The following EFCAB6 variants were observed in gnomAD, a reference collection of about 807,000 sequenced individuals.
EFCAB6 encodes EF-hand calcium binding domain 6.
Under a neutral mutation model 169.8 loss-of-function variants are expected in EFCAB6, and 156 were observed. That is an observed-to-expected ratio of 0.92 (90% CI 0.81 to 1.05). The LOEUF (loss-of-function observed/expected upper bound fraction) is 1.05. EFCAB6 is among the 50% of genes least tolerant of loss of function. The pLI is 0.00. For missense variants in EFCAB6, 1,800 were observed against 1,829.1 expected, an observed-to-expected ratio of 0.98 and a Z score of 0.29; for synonymous variants, 698 against 676.4, an observed-to-expected ratio of 1.03 and a Z score of -0.50.
chr22:43,665,789 CTTCT>C (rs143491491), intron 17 of EFCAB6, among the ~76,000 whole-genome samples: 3,606 of 152,270 alleles, frequency 0.024, 123 homozygotes, highest in African/African-American at 0.08. Flanking sequence ...GCCTTATTCC[CTTCT>C]TTCTTTCTTT....
intron 2 of EFCAB6, among the ~76,000 whole-genome samples, chr22:43,783,184 G>A (rs1159506701): frequency 6.6e-6 from 1 of 152,188 alleles, no homozygotes; most frequent in African/African-American, 2.4e-5. Context: ...AGAGGCATTT[G>A]TTAGAAGAAA....
chr22:43,684,627 C>T (rs1313637341), intron 11 of EFCAB6, among the ~76,000 whole-genome samples: 1 of 152,176 alleles, frequency 6.6e-6, no homozygotes, highest in Non-Finnish European at 1.5e-5. Flanking sequence ...TTTGTTGCTG[C>T]GTCTATACAG....
Position 43,744,330 on chromosome 22 carries a change from C to G in EFCAB6, c.508-8337G>C, listed in dbSNP as rs981070122. On this transcript the variant is annotated intron_variant, in intron 6 of 31. Transcript: ENST00000262726. The surrounding 1 kb of genome is among the most constrained non-coding windows in gnomAD (Gnocchi z 4.3). ...AATCCTTGTAGAGACAGGACAGGAA[C>G]CTGCAAAAAGGGTAGACAAGCATCT... 6.6e-6 allele frequency among the ~76,000 whole-genome samples: 1 copy of G among 151,966 alleles called. No individual in the cohort carries two copies. Among genetic ancestry groups the G allele is most frequent in the African/African-American group, 2.4e-5 (1 of 41,372 alleles).
chr22:43,533,045 T>C (rs1426996528), intron 30 of EFCAB6, among the ~76,000 whole-genome samples: 1 of 152,252 alleles, frequency 6.6e-6, no homozygotes, highest in Non-Finnish European at 1.5e-5. Context: ...GCTGACGCCA[T>C]GATGGCACTG....
chr22:43,769,933 C>A (rs1460748817), intron 4 of EFCAB6, among the ~76,000 whole-genome samples: 1 of 151,928 alleles, frequency 6.6e-6, no homozygotes, highest in African/African-American at 2.4e-5. Flanking sequence ...CGGCTCACCA[C>A]AAACTCTGCC....
chr22:43,749,941 A>C (rs1301122144), intron 6 of EFCAB6, among the ~76,000 whole-genome samples: 1 of 152,178 alleles, frequency 6.6e-6, no homozygotes, highest in Non-Finnish European at 1.5e-5. Flanking sequence ...AGATGGGGAA[A>C]GTCTCGAAAG....
intron 21 of EFCAB6, among the ~76,000 whole-genome samples, chr22:43,609,805 T>C (rs2147641427): frequency 6.6e-6 from 1 of 152,270 alleles, no homozygotes; most frequent in South Asian, 2.1e-4. Flanking sequence ...TTAAGATGTA[T>C]CACTAAGTTA....
At chr22:43,726,312 T>C (rs547342739) in intron 8 of EFCAB6, among the ~76,000 whole-genome samples, 8 of 137,522 alleles carry the variant, frequency 5.8e-5, no homozygotes, top group African/African-American at 1.9e-4. Flanking sequence ...ACAGCATAAA[T>C]TGAAGCAAAA....
rs1226930691 is a variant in EFCAB6, at chr22:43,572,345, T to A, written c.3420+3952A>T. Among the ~76,000 whole-genome samples the A allele has an allele frequency of 6.6e-6, 1 of 152,148 alleles. No homozygotes were observed. The highest frequency in any genetic ancestry group is 1.5e-5 in the Non-Finnish European group (1 of 68,022). On this transcript the variant is annotated intron_variant, in intron 26 of 31. Coordinates refer to ENST00000262726, the MANE Select transcript of EFCAB6 (RefSeq NM_022785.4). This position sits in a 1 kb window ranked among gnomAD's most constrained non-coding sequence, Gnocchi z 4.0. ...AGGATCAGCAGAGGCTCCTTGTGAC[T>A]CGTGCATGAGGACACTCAGGCCTCG...
chr22:43,686,381 G>C (rs1414976347), intron 11 of EFCAB6, among the ~76,000 whole-genome samples: 1 of 151,864 alleles, frequency 6.6e-6, no homozygotes, highest in East Asian at 1.9e-4. Context: ...TTGGGGTTAT[G>C]ATCAGCTCCC....
At chr22:43,553,421 A>G (rs1237790374) in intron 27 of EFCAB6, 14 of 152,234 alleles carry the variant, frequency 9.2e-5, no homozygotes, top group Admixed American at 9.2e-4. Flanking sequence ...TTTCTGAGTG[A>G]AGGGAAATCT....
At chr22:43,657,730 G>T (rs988913893) in intron 17 of EFCAB6, among the ~76,000 whole-genome samples, 3 of 151,978 alleles carry the variant, frequency 2.0e-5, no homozygotes, top group South Asian at 2.1e-4. Flanking sequence ...TAAGTAGAAG[G>T]AAGAAAATAA....
intron 11 of EFCAB6, among the ~76,000 whole-genome samples, chr22:43,685,112 C>G (rs970299593): frequency 2.0e-5 from 3 of 152,206 alleles, no homozygotes; most frequent in Admixed American, 2.0e-4. Flanking sequence ...AGCATAGTTG[C>G]ATCATGTTAG....
intron 3 of EFCAB6, among the ~76,000 whole-genome samples, chr22:43,781,075 T>C (rs2061807796): frequency 6.6e-6 from 1 of 152,304 alleles, no homozygotes; most frequent in African/African-American, 2.4e-5. Context: ...TCTTAGCACC[T>C]ATTACAGTGC....
At position 43,668,962 on chromosome 22, in the gene EFCAB6, G is replaced by A. The variant is rs1188443877; in HGVS notation, c.1724C>T (p.Pro575Leu). The change falls in exon 16 of 32, where the codon CCC becomes CTC. Residue 575 changes from proline (P) to leucine (L), a missense_variant. Coordinates refer to ENST00000262726, the MANE Select transcript of EFCAB6 (RefSeq NM_022785.4). ...TGGAACAAGAACTGGAGAGACAGTG[G>A]GTGGGCCATCAATTCCTATGCATGC... is the stretch of plus-strand genomic sequence containing the variant. ...LLACIGIDGP[P>L]TVSPVLVPKD... 1.2e-6 allele frequency: 2 copies of A among 1,613,262 alleles called. No homozygotes were observed. The highest frequency in any genetic ancestry group is 2.2e-5 in the East Asian group (1 of 44,838).
At chr22:43,694,505 G>C (rs2058506293) in intron 10 of EFCAB6, among the ~76,000 whole-genome samples, 1 of 151,942 alleles carries the variant, frequency 6.6e-6, no homozygotes, top group Non-Finnish European at 1.5e-5. Flanking sequence ...TACAAGAAAA[G>C]GCAATGTTAG....
intron 3 of EFCAB6, among the ~76,000 whole-genome samples, chr22:43,773,661 A>G (rs2061550364): frequency 6.6e-6 from 1 of 152,240 alleles, no homozygotes; most frequent in Non-Finnish European, 1.5e-5. Context: ...CAGCCTGGCC[A>G]ACATGGCGAA....
chr22:43,706,574 TTGAC>T (rs2058968035), intron 10 of EFCAB6, among the ~76,000 whole-genome samples: 1 of 152,224 alleles, frequency 6.6e-6, no homozygotes, highest in Non-Finnish European at 1.5e-5. Flanking sequence ...GAATTATTTA[TTGAC>T]TGACTGGGCA....
At position 43,603,187 on chromosome 22, in the gene EFCAB6, T is replaced by G. The variant is rs576280715; in HGVS notation, c.2682-2924A>C. 1.3e-3 allele frequency among the ~76,000 whole-genome samples: 192 copies of G among 152,302 alleles called. 1 individual carries two copies. Among genetic ancestry groups the G allele is most frequent in the African/African-American group, 4.3e-3 (178 of 41,574 alleles). On this transcript the variant is annotated intron_variant, in intron 22 of 31. Coordinates refer to ENST00000262726, the MANE Select transcript of EFCAB6 (RefSeq NM_022785.4). ...TGAATGAAAAGGCATTCTTAATTGC[T>G]TCATTAATGAAGATCGTAAACATTC...
Sources: gnomAD v4.1 joint callset for allele counts (sites outside exome capture counted in the v4.1 genomes callset) on GRCh38, gnomAD v4.1.1 for gene constraint, Gnocchi (gnomAD v3.1) non-coding constraint, MANE v1.5 for transcripts, NCBI Gene and HGNC (gene_info 2026-07-23, HGNC 2026-07-21) for gene names.